The following RELN variants were observed in gnomAD, a reference collection of about 807,000 sequenced individuals.
The protein encoded by RELN is reelin.
Under a neutral mutation model 427.6 loss-of-function variants are expected in RELN, and 108 were observed. The observed-to-expected ratio is 0.25, with a 90% CI of 0.22 to 0.30. The LOEUF (loss-of-function observed/expected upper bound fraction) is 0.30, where lower values mean the gene tolerates loss of function less well. Among genes scored for constraint, RELN ranks in the 10% least tolerant of loss-of-function variants. The pLI, the probability that RELN is intolerant of heterozygous loss-of-function variation, is 1.00. For synonymous variants in RELN, 1,524 were observed against 1,513.4 expected (o/e 1.01, Z -0.16); for missense variants, 3,715 against 4,302.8 (o/e 0.86, Z 3.82).
chr7:103,632,195 C>T (rs1437052030), intron 19 of RELN, among the ~76,000 whole-genome samples: 1 of 152,182 alleles, frequency 6.6e-6, no homozygotes, highest in East Asian at 1.9e-4. Flanking sequence ...CTGACTCCTA[C>T]TGGTTAATGA....
chr7:103,692,517 A>G (rs955854037), intron 10 of RELN, among the ~76,000 whole-genome samples: 2 of 152,074 alleles, frequency 1.3e-5, no homozygotes, highest in Non-Finnish European at 2.9e-5. Flanking sequence ...GTGAGGAGGG[A>G]GAAGGAGCTG....
chr7:103,874,744 G>C (rs1794436053), intron 2 of RELN, among the ~76,000 whole-genome samples: 2 of 150,782 alleles, frequency 1.3e-5, no homozygotes, highest in African/African-American at 2.4e-5. Context: ...CATGTTCATG[G>C]GTAGGAAGAA....
chr7:103,856,591 AAG>A (rs1178199938), intron 2 of RELN, among the ~76,000 whole-genome samples: 5,520 of 133,324 alleles, frequency 0.041, 161 homozygotes, highest in South Asian at 0.14. Flanking sequence ...AAAAAAAAGA[AAG>A]AAAGAAAGAA....
chr7:103,956,244 T>C (rs187300081), intron 1 of RELN, among the ~76,000 whole-genome samples: 1 of 152,276 alleles, frequency 6.6e-6, no homozygotes, highest in African/African-American at 2.4e-5. Context: ...ACTATGCTGA[T>C]GGTAGTCAAG....
intron 15 of RELN, among the ~76,000 whole-genome samples, chr7:103,650,748 C>T (rs929410858): frequency 3.3e-5 from 5 of 152,028 alleles, no homozygotes; most frequent in Non-Finnish European, 7.4e-5. Flanking sequence ...GCCTCAGCCT[C>T]CTGAGTAGGT....
chr7:103,553,433 G>A, intron 40 of RELN, 28 bp downstream of exon 40: 1 of 1,514,534 alleles, frequency 6.6e-7, no homozygotes, highest in Admixed American at 1.7e-5. Context: ...AAAATTTAAA[G>A]CATTTATTAT....
chr7:103,948,471 G>T (rs1796263561), intron 1 of RELN, among the ~76,000 whole-genome samples: 1 of 152,058 alleles, frequency 6.6e-6, no homozygotes, highest in Non-Finnish European at 1.5e-5. Flanking sequence ...TCAATAGATG[G>T]AGACCATCCT....
chr7:103,735,546 C>T (rs191059889), intron 6 of RELN, among the ~76,000 whole-genome samples: 3 of 152,198 alleles, frequency 2.0e-5, no homozygotes, highest in Admixed American at 6.5e-5. Context: ...CTTTGCACAA[C>T]CAGAGATTTA....
chr7:103,872,310 G>A (rs1467878769), intron 2 of RELN, among the ~76,000 whole-genome samples: 6 of 134,486 alleles, frequency 4.5e-5, no homozygotes, highest in Non-Finnish European at 8.0e-5. Flanking sequence ...GAGAATATGC[G>A]GTGTTTGGTT....
chr7:103,521,944 T>G (rs1829717497), intron 48 of RELN, 78 bp downstream of exon 48: 1 of 1,461,076 alleles, frequency 6.8e-7, no homozygotes, highest in Non-Finnish European at 9.6e-7. Flanking sequence ...ATTTGCCCAT[T>G]AAACTTCAGA....
chr7:103,748,166 A>C (rs1376264346), intron 6 of RELN, among the ~76,000 whole-genome samples: 1 of 143,934 alleles, frequency 6.9e-6, no homozygotes, highest in Non-Finnish European at 1.5e-5. Flanking sequence ...GCTTCTTATT[A>C]ATAAATATTT....
intron 41 of RELN, among the ~76,000 whole-genome samples, chr7:103,549,053 T>C (rs1198277272): frequency 6.6e-6 from 1 of 152,158 alleles, no homozygotes; most frequent in Non-Finnish European, 1.5e-5. Flanking sequence ...TGGAGGAAAT[T>C]AGAGGTCCAT....
At chr7:103,541,832 A>C (rs1830183210) in intron 43 of RELN, among the ~76,000 whole-genome samples, 1 of 152,230 alleles carries the variant, frequency 6.6e-6, no homozygotes, top group South Asian at 2.1e-4. Context: ...AAAGTGGGAT[A>C]ATGATAAAAT....
chr7:103,669,485 C>A (rs1444930182), intron 11 of RELN, among the ~76,000 whole-genome samples: 3 of 152,168 alleles, frequency 2.0e-5, no homozygotes, highest in Admixed American at 6.6e-5. Context: ...TGGGGGACTT[C>A]AGGTAGAGTC....
intron 2 of RELN, among the ~76,000 whole-genome samples, chr7:103,838,294 G>A (rs1793463909): frequency 1.3e-5 from 2 of 150,812 alleles, no homozygotes; most frequent in South Asian, 4.2e-4. Flanking sequence ...GAGCAGGACT[G>A]GAAAAAAAAC....
At chr7:103,893,848 A>T (rs1156956775) in intron 2 of RELN, among the ~76,000 whole-genome samples, 2 of 152,162 alleles carry the variant, frequency 1.3e-5, no homozygotes, top group East Asian at 3.9e-4. Flanking sequence ...AGATAGAGTA[A>T]TGTGTATAAT....
chr7:103,553,778 C>T lies in RELN; in HGVS notation c.5851G>A (p.Val1951Ile). 6.2e-7 allele frequency: 1 copy of T among 1,614,062 alleles called. No individual in the cohort carries two copies. The highest frequency in any genetic ancestry group is 1.1e-5 in the South Asian group (1 of 91,082). ...VDDFIIDGNN[V>I]NNPVMLLDTF... ...TCCAAGAGCATCACAGGGTTGTTTA[C>T]ATTATTTCCATCGATAATGAAGTCA... The change falls in exon 39 of 65, where the codon GTA becomes ATA. Residue 1951 changes from valine (V) to isoleucine (I), a missense_variant. Transcript: ENST00000428762.
At chr7:103,578,394 A>C (rs558601337) in intron 28 of RELN, among the ~76,000 whole-genome samples, 31 of 152,218 alleles carry the variant, frequency 2.0e-4, no homozygotes, top group Non-Finnish European at 4.0e-4. Context: ...AACATGGTGA[A>C]TCATAGCTTA....
intron 20 of RELN, among the ~76,000 whole-genome samples, chr7:103,616,398 G>A (rs912371338): frequency 1.3e-5 from 2 of 151,868 alleles, no homozygotes; most frequent in African/African-American, 2.4e-5. Flanking sequence ...TAGATTAGGC[G>A]GAAAAACTTG....
Sources: allele counts gnomAD v4.1 joint callset (sites outside exome capture counted in the v4.1 genomes callset), GRCh38; gene constraint gnomAD v4.1.1; transcripts MANE v1.5; gene names NCBI Gene and HGNC (gene_info 2026-07-23, HGNC 2026-07-21).